The following RYK variants were observed in gnomAD, a reference collection of about 807,000 sequenced individuals.
RYK encodes receptor like tyrosine kinase.
RYK carries 21 observed loss-of-function variants against 70.2 expected under a neutral mutation model. The ratio of observed to expected loss-of-function variants is 0.30; its 90% CI spans 0.21 to 0.43. The LOEUF is 0.43. Among genes scored for constraint, RYK ranks in the 20% least tolerant of loss-of-function variants. RYK has a pLI of 1.00. For synonymous variants in RYK, 267 were observed against 278.0 expected, an observed-to-expected ratio of 0.96 and a Z score of 0.39; for missense variants, 604 against 753.3, an observed-to-expected ratio of 0.80 and a Z score of 2.32.
chr3:134,182,255 G>A (rs967956418), intron 10 of RYK, among the ~76,000 whole-genome samples: 1 of 151,994 alleles, frequency 6.6e-6, no homozygotes, highest in African/African-American at 2.4e-5. Context: ...AATAAAATGT[G>A]GTACATCCAT....
At position 134,222,437 on chromosome 3, in the gene RYK, G is replaced by A. The variant is rs766463990; in HGVS notation, c.335C>T (p.Thr112Ile). ...VPSETNFLHFTWHAKSKVEYK... is the reference protein window; with the variant it reads ...VPSETNFLHFIWHAKSKVEYK... ...TCTTACCTTGGACTTCGCATGCCAG[G>A]TGAAGTGCAGGAAATTTGTCTCACT... The change falls in exon 2 of 15, where the codon ACC (threonine) becomes ATC (isoleucine). Residue 112 changes from threonine to isoleucine, a missense_variant. This residue lies in a region of RYK where 466 missense variants were observed against 535.9 expected (regional missense o/e 0.87). Coordinates refer to ENST00000623711, the MANE Select transcript of RYK (RefSeq NM_002958.4). 2 of 1,613,074 alleles carry A rather than the reference G, an allele frequency of 1.2e-6. No individual in the cohort carries two copies. The highest frequency in any genetic ancestry group is 2.2e-5 in the East Asian group (1 of 44,878).
intron 2 of RYK, among the ~76,000 whole-genome samples, chr3:134,220,504 T>C (rs1220062577): frequency 6.6e-6 from 1 of 152,192 alleles, no homozygotes; most frequent in Non-Finnish European, 1.5e-5. Flanking sequence ...AAATAAGCAC[T>C]TATTCACTGG....
chr3:134,233,228 C>T (rs2015109547), intron 1 of RYK, among the ~76,000 whole-genome samples: 1 of 152,196 alleles, frequency 6.6e-6, no homozygotes, highest in Non-Finnish European at 1.5e-5. Context: ...TGGTGCTCTG[C>T]TTTAATTGCA....
At chr3:134,243,665 A>G (rs1020909130) in intron 1 of RYK, among the ~76,000 whole-genome samples, 22 of 152,066 alleles carry the variant, frequency 1.4e-4, no homozygotes, top group African/African-American at 5.3e-4. Flanking sequence ...TGTTCACACT[A>G]CTTTCTCAGC....
chr3:134,202,678 A>C, intron 6 of RYK, 52 bp downstream of exon 6: 1 of 1,545,348 alleles, frequency 6.5e-7, no homozygotes, highest in Non-Finnish European at 8.9e-7. Flanking sequence ...GCTCCCACAT[A>C]TATACAAATA....
intron 6 of RYK, among the ~76,000 whole-genome samples, chr3:134,199,840 G>A (rs2013932786): frequency 6.6e-6 from 1 of 152,072 alleles, no homozygotes; most frequent in South Asian, 2.1e-4. Context: ...TCTAGCTAAA[G>A]GATTGTAAAT....
At chr3:134,209,360 G>A (rs900067697) in intron 4 of RYK, among the ~76,000 whole-genome samples, 2 of 152,156 alleles carry the variant, frequency 1.3e-5, no homozygotes, top group Non-Finnish European at 2.9e-5. Context: ...AAAGTAACTT[G>A]ATAAGGGAAA....
At chr3:134,209,656 C>G in intron 4 of RYK, 39 bp downstream of exon 4, 1 of 1,345,004 alleles carries the variant, frequency 7.4e-7, no homozygotes, top group Non-Finnish European at 9.8e-7. Flanking sequence ...CACCTTCTCA[C>G]ATACATGTAA....
chr3:134,233,416 A>G (rs2015116086), intron 1 of RYK, among the ~76,000 whole-genome samples: 1 of 152,252 alleles, frequency 6.6e-6, no homozygotes, highest in Non-Finnish European at 1.5e-5. Context: ...TTGTGACTCT[A>G]TACAAAGTTT....
At position 134,175,627 on chromosome 3, in the gene RYK, G is replaced by T. The variant is rs201359781; in HGVS notation, c.1557C>A (p.Phe519Leu). ...CACTTACCACATCACTAGCGCTAGA[G>T]AACTCGTTATTAACCAGACTTTCAA... ...MALESLVNNE[F>L]SSASDVWAFG... Residue 519 changes from phenylalanine to leucine, a missense_variant, in exon 13 of 15, where the codon TTC becomes TTA. By Grantham distance (22) the Phe-to-Leu change is conservative. Around this residue, in one of 2 missense-constraint regions of RYK, gnomAD observed 138 missense variants for 217.4 expected, o/e 0.63. Coordinates refer to ENST00000623711, the MANE Select transcript of RYK (RefSeq NM_002958.4). The T allele has an allele frequency of 1.2e-6, 2 of 1,613,812 alleles. No individual in the cohort carries two copies. Among genetic ancestry groups the T allele is most frequent in the South Asian group, 1.1e-5 (1 of 91,076 alleles).
intron 1 of RYK, among the ~76,000 whole-genome samples, chr3:134,230,287 A>C (rs1435123044): frequency 6.6e-6 from 1 of 152,152 alleles, no homozygotes; most frequent in Non-Finnish European, 1.5e-5. Flanking sequence ...CGGTTTCACT[A>C]TGTTGGCCAG....
chr3:134,193,478 C>T (rs929307528), intron 7 of RYK, among the ~76,000 whole-genome samples: 2 of 152,210 alleles, frequency 1.3e-5, no homozygotes, highest in African/African-American at 2.4e-5. Context: ...CCACCACACC[C>T]GGCCCCTTTG....
intron 1 of RYK, among the ~76,000 whole-genome samples, chr3:134,226,175 A>G (rs1478129430): frequency 1.3e-5 from 2 of 152,150 alleles, no homozygotes; most frequent in Non-Finnish European, 2.9e-5. Context: ...AAAAAACACC[A>G]AACACAAATT....
intron 10 of RYK, chr3:134,181,343 C>T (rs998823480): frequency 3.9e-5 from 6 of 152,158 alleles, no homozygotes; most frequent in Admixed American, 3.3e-4. Flanking sequence ...GTTTCCTTCA[C>T]CCTTGGTTGC....
intron 1 of RYK, among the ~76,000 whole-genome samples, chr3:134,233,128 T>G (rs887757779): frequency 6.6e-6 from 1 of 152,228 alleles, no homozygotes; most frequent in Non-Finnish European, 1.5e-5. Flanking sequence ...TGTTAATATC[T>G]CTCACTCTCT....
At chr3:134,201,345 T>C (rs1472594871) in intron 6 of RYK, among the ~76,000 whole-genome samples, 1 of 152,214 alleles carries the variant, frequency 6.6e-6, no homozygotes, top group African/African-American at 2.4e-5. Flanking sequence ...ACCAGCTCCC[T>C]TCCCCTTCAT....
intron 8 of RYK, among the ~76,000 whole-genome samples, chr3:134,189,970 A>C (rs2013596170): frequency 6.6e-6 from 1 of 152,188 alleles, no homozygotes; most frequent in African/African-American, 2.4e-5. Flanking sequence ...ACAATTTAAA[A>C]GATAAGCTTG....
chr3:134,248,204 AG>A (rs1291378586), intron 1 of RYK, among the ~76,000 whole-genome samples: 1 of 152,190 alleles, frequency 6.6e-6, no homozygotes, highest in Admixed American at 6.5e-5. Context: ...TATTTGCACT[AG>A]AGAAAATACT....
intron 10 of RYK, chr3:134,178,724 T>C (rs2013194588): frequency 6.6e-6 from 1 of 152,220 alleles, no homozygotes; most frequent in Admixed American, 6.6e-5. Flanking sequence ...AAGCATGTAG[T>C]GGACAATCCC....
Sources: gnomAD v4.1 joint callset for allele counts (sites outside exome capture counted in the v4.1 genomes callset) on GRCh38, gnomAD v4.1.1 for gene constraint, gnomAD v4.1.1 regional missense constraint, MANE v1.5 for transcripts, NCBI Gene and HGNC (gene_info 2026-07-23, HGNC 2026-07-21) for gene names.